The following CTNNA3 variants were observed in gnomAD, a reference collection of about 807,000 sequenced individuals.
The protein encoded by CTNNA3 is catenin alpha-3.
In CTNNA3, 76 loss-of-function variants were observed where a neutral mutation model predicts 95.7. The ratio of observed to expected loss-of-function variants is 0.79; its 90% CI spans 0.66 to 0.96. The LOEUF (loss-of-function observed/expected upper bound fraction) is 0.96, where lower values mean the gene tolerates loss of function less well. Among genes scored for constraint, CTNNA3 ranks in the 40% least tolerant of loss-of-function variants. The probability of loss-of-function intolerance (pLI) is 0.00; values close to 1 mark genes in which losing one functional copy is unlikely to be tolerated. For missense variants in CTNNA3, 1,191 were observed against 1,089.8 expected (o/e 1.09, Z -1.31); for synonymous variants, 431 against 374.4 (o/e 1.15, Z -1.74).
At chr10:67,539,435 G>T (rs183863403) in intron 4 of CTNNA3, 68 bp downstream of exon 4, 2 of 1,550,948 alleles carry the variant, frequency 1.3e-6, no homozygotes, top group South Asian at 1.1e-5. Flanking sequence ...TAGGATCGAC[G>T]CCAGGTTCAG....
intron 11 of CTNNA3, among the ~76,000 whole-genome samples, chr10:66,394,172 A>T (rs943807481): frequency 6.6e-6 from 1 of 152,078 alleles, no homozygotes; most frequent in Non-Finnish European, 1.5e-5. Flanking sequence ...TGCAAAGCTT[A>T]CATTGACTAT....
intron 16 of CTNNA3, among the ~76,000 whole-genome samples, chr10:65,969,300 T>C (rs187262893): frequency 4.1e-4 from 62 of 152,252 alleles, no homozygotes; most frequent in African/African-American, 1.4e-3. Context: ...CAAATATAAT[T>C]ACAAAAATTT....
At chr10:67,550,328 G>A (rs1260118050) in intron 3 of CTNNA3, among the ~76,000 whole-genome samples, 1 of 152,106 alleles carries the variant, frequency 6.6e-6, no homozygotes, top group African/African-American at 2.4e-5. Flanking sequence ...ATATCAAAAG[G>A]AGGTATGAAT....
chr10:67,302,696 C>T (rs1840375861), intron 5 of CTNNA3, among the ~76,000 whole-genome samples: 1 of 152,210 alleles, frequency 6.6e-6, no homozygotes. Flanking sequence ...ATGCCACCTC[C>T]TGCCATAAAC....
In CTNNA3 at chr10:67,114,709, G is replaced by GGTGTGTGTGTGTGTGTGTGTGTGTGT. The variant is rs56772381; in HGVS notation, c.1047+65582_1047+65607dup. ...AATCACCATAGTGATGGTTCTTAAAGGTGTGTGTGTGTGTGTGTGTGTGTG... is the reference window on the plus strand; with the variant it reads ...AATCACCATAGTGATGGTTCTTAAAGGTGTGTGTGTGTGTGTGTGTGTGTGTGTGTGTGTGTGTGTGTGTGTGTGTG... On this transcript the variant is annotated intron_variant, in intron 7 of 17. Transcript: ENST00000433211. Among the ~76,000 whole-genome samples the GGTGTGTGTGTGTGTGTGTGTGTGTGT allele has an allele frequency of 1.2e-3, 174 of 144,830 alleles. 3 individuals carry two copies. Among genetic ancestry groups the GGTGTGTGTGTGTGTGTGTGTGTGTGT allele is most frequent in the African/African-American group, 2.7e-3 (103 of 38,562 alleles).
At chr10:66,450,641 G>T (rs1196892698) in intron 11 of CTNNA3, among the ~76,000 whole-genome samples, 1 of 152,046 alleles carries the variant, frequency 6.6e-6, no homozygotes, top group Non-Finnish European at 1.5e-5. Flanking sequence ...GAAAAATCTT[G>T]CTCCATTGAT....
chr10:66,623,401 T>A (rs1050061576), intron 9 of CTNNA3, among the ~76,000 whole-genome samples: 4 of 152,132 alleles, frequency 2.6e-5, no homozygotes, highest in Non-Finnish European at 5.9e-5. Flanking sequence ...TACTGTATCC[T>A]CATTTTCTTC....
At chr10:66,597,511 CATAT>C (rs369390875) in intron 10 of CTNNA3, among the ~76,000 whole-genome samples, 2,818 of 70,656 alleles carry the variant, frequency 0.04, 46 homozygotes, top group African/African-American at 0.058. Context: ...TTATTTCATA[CATAT>C]ATATATATAT....
chr10:66,240,425 A>G (rs561551224), intron 13 of CTNNA3, among the ~76,000 whole-genome samples: 7 of 152,200 alleles, frequency 4.6e-5, no homozygotes, highest in Non-Finnish European at 8.8e-5. Flanking sequence ...GCTTCTGAAT[A>G]TGTACTAGCC....
At chr10:66,115,358 C>A (rs2082284783) in intron 13 of CTNNA3, among the ~76,000 whole-genome samples, 1 of 152,056 alleles carries the variant, frequency 6.6e-6, no homozygotes, top group Admixed American at 6.6e-5. Flanking sequence ...TTTGTATGGT[C>A]TTTTTTGTTC....
chr10:66,993,854 T>C (rs1019016758), intron 7 of CTNNA3, among the ~76,000 whole-genome samples: 4 of 152,202 alleles, frequency 2.6e-5, no homozygotes, highest in African/African-American at 9.6e-5. Flanking sequence ...GTCTAAGCTT[T>C]ATAATTTCTT....
intron 7 of CTNNA3, among the ~76,000 whole-genome samples, chr10:67,082,486 T>C (rs996642780): frequency 1.3e-5 from 2 of 152,164 alleles, no homozygotes; most frequent in Non-Finnish European, 2.9e-5. Flanking sequence ...CAAAGGGCTA[T>C]ACTTAAGGCC....
At chr10:67,241,550 T>C (rs1173995858) in intron 5 of CTNNA3, among the ~76,000 whole-genome samples, 1 of 152,238 alleles carries the variant, frequency 6.6e-6, no homozygotes, top group Non-Finnish European at 1.5e-5. Context: ...TTCCTTCCTA[T>C]TTAAGTTTTC....
chr10:67,751,567 A>T (rs1841407633), intron 1 of CTNNA3, among the ~76,000 whole-genome samples: 2 of 152,190 alleles, frequency 1.3e-5, no homozygotes, highest in Admixed American at 1.3e-4. Flanking sequence ...ATAGACCGCT[A>T]ACTAGACTAA....
chr10:67,701,897 C>T (rs1841043151), intron 1 of CTNNA3, among the ~76,000 whole-genome samples: 2 of 152,076 alleles, frequency 1.3e-5, no homozygotes, highest in Admixed American at 1.3e-4. Flanking sequence ...CGAGCAGAGA[C>T]ACACATAGGC....
rs192927612 is a variant in CTNNA3 at position 66,295,233 on chromosome 10, T to A, written c.1733-14612A>T. On this transcript the variant is annotated intron_variant, in intron 12 of 17. Coordinates refer to ENST00000433211, the MANE Select transcript of CTNNA3 (RefSeq NM_013266.4). ...TAGAGACTTAACCTAAGACTTGTCTTTTTTTTAGAATTTGTTAATGAAACT... is the reference window on the plus strand; with the variant it reads ...TAGAGACTTAACCTAAGACTTGTCTATTTTTTAGAATTTGTTAATGAAACT... Among the ~76,000 whole-genome samples, 513 of 152,290 alleles carry A rather than the reference T, an allele frequency of 3.4e-3. 4 individuals carry two copies. Among genetic ancestry groups the A allele is most frequent in the Non-Finnish European group, 4.4e-3 (297 of 68,022 alleles).
chr10:66,268,156 C>T (rs559271539), intron 13 of CTNNA3, among the ~76,000 whole-genome samples: 3 of 152,060 alleles, frequency 2.0e-5, no homozygotes, highest in Non-Finnish European at 4.4e-5. Flanking sequence ...AAGTGGGTCA[C>T]TTTGTATTTT....
chr10:67,115,170 T>C (rs1021061192), intron 7 of CTNNA3, among the ~76,000 whole-genome samples: 1 of 152,070 alleles, frequency 6.6e-6, no homozygotes, highest in Non-Finnish European at 1.5e-5. Flanking sequence ...CTATGCCTCA[T>C]GCAAAAGCCT....
rs140836826 is a variant in CTNNA3, at chr10:66,320,059, C to T, written c.1733-39438G>A. The stretch of plus-strand genomic sequence containing the variant: ...CATCATCAAACCTACATTATACCTA[C>T]GTTGTGGGGCTGTTGTGAGCTTTTA... On this transcript the variant is annotated intron_variant, in intron 12 of 17. Transcript: ENST00000433211. 1.4e-3 allele frequency among the ~76,000 whole-genome samples: 219 copies of T among 152,218 alleles called. 1 individual carries two copies. Among genetic ancestry groups the T allele is most frequent in the African/African-American group, 4.9e-3 (203 of 41,570 alleles).
Sources: allele counts gnomAD v4.1 joint callset (sites outside exome capture counted in the v4.1 genomes callset), GRCh38; gene constraint gnomAD v4.1.1; transcripts MANE v1.5; gene names NCBI Gene and HGNC (gene_info 2026-07-23, HGNC 2026-07-21).